The following MMP24 variants were observed in gnomAD, a reference collection of about 807,000 sequenced individuals.
MMP24 encodes matrix metalloproteinase-24.
MMP24 carries 25 observed loss-of-function variants against 62.8 expected under a neutral mutation model. The observed-to-expected ratio is 0.40, with a 90% CI of 0.29 to 0.56. The LOEUF (loss-of-function observed/expected upper bound fraction) is 0.56, where lower values mean the gene tolerates loss of function less well. Among genes scored for constraint, MMP24 ranks in the 20% least tolerant of loss-of-function variants. MMP24 has a pLI of 0.50. For missense variants in MMP24, 634 were observed against 853.6 expected (o/e 0.74, Z 3.21); for synonymous variants, 319 against 350.5 (o/e 0.91, Z 1.00).
At chr20:35,255,331 C>CA (rs11482447) in intron 4 of MMP24, among the ~76,000 whole-genome samples, 364 of 138,630 alleles carry the variant, frequency 2.6e-3, no homozygotes, top group African/African-American at 4.8e-3. Context: ...AACTCCATCT[C>CA]AAAAAAAAAA....
At chr20:35,248,306 C>CG (rs745624436) in intron 2 of MMP24, among the ~76,000 whole-genome samples, 4 of 136,792 alleles carry the variant, frequency 2.9e-5, no homozygotes, top group African/African-American at 1.1e-4. Flanking sequence ...TTCCCCCCCC[C>CG]TTTTTTTTTT....
intron 1 of MMP24, among the ~76,000 whole-genome samples, chr20:35,229,398 G>A (rs557021374): frequency 5.3e-5 from 8 of 152,210 alleles, no homozygotes; most frequent in Admixed American, 1.3e-4. Context: ...TTTCATTCAC[G>A]GAAGTGACCA....
intron 8 of MMP24, among the ~76,000 whole-genome samples, chr20:35,273,239 T>A (rs914754881): frequency 6.6e-6 from 1 of 150,380 alleles, no homozygotes; most frequent in Non-Finnish European, 1.5e-5. Flanking sequence ...AAAAAAAAAA[T>A]ACAAAAATTA....
At chr20:35,267,456 T>C (rs777194676) in intron 6 of MMP24, 37 bp downstream of exon 6, 1 of 1,525,858 alleles carries the variant, frequency 6.6e-7, no homozygotes, top group Non-Finnish European at 8.9e-7. Flanking sequence ...AGCTGGCCCC[T>C]GACCTTTCCT....
intron 4 of MMP24, 156 bp from the exon 5 acceptor site, chr20:35,263,635 A>T (rs1430689801): frequency 1.8e-6 from 1 of 543,570 alleles, no homozygotes; most frequent in Non-Finnish European, 3.2e-6. Flanking sequence ...GAGGCTTGGG[A>T]GGCAGGGGTT....
chr20:35,265,448 A>C (rs910769173), intron 5 of MMP24, among the ~76,000 whole-genome samples: 3 of 152,188 alleles, frequency 2.0e-5, no homozygotes, highest in African/African-American at 7.2e-5. Context: ...TCTCAAAAAA[A>C]AAAAAAATCT....
intron 1 of MMP24, among the ~76,000 whole-genome samples, chr20:35,231,239 C>T (rs2060436046): frequency 6.6e-6 from 1 of 152,174 alleles, no homozygotes; most frequent in African/African-American, 2.4e-5. Context: ...CTCCTAGACC[C>T]AGGACTTATG....
intron 1 of MMP24, among the ~76,000 whole-genome samples, chr20:35,232,485 G>GTA (rs1418571630): frequency 6.6e-6 from 1 of 152,200 alleles, no homozygotes; most frequent in African/African-American, 2.4e-5. Context: ...CATGCTAGAG[G>GTA]TATAACAAGG....
chr20:35,266,451 A>G (rs1568620073), intron 5 of MMP24, among the ~76,000 whole-genome samples: 1 of 151,934 alleles, frequency 6.6e-6, no homozygotes, highest in African/African-American at 2.4e-5. Context: ...ATGCAGCCCA[A>G]GTGAAGAAGC....
chr20:35,262,238 A>G (rs1013735932), intron 4 of MMP24, among the ~76,000 whole-genome samples: 73 of 152,306 alleles, frequency 4.8e-4, no homozygotes, highest in Non-Finnish European at 9.8e-4. Flanking sequence ...AAGGGGACCC[A>G]GGGAACCAGC....
At chr20:35,245,510 G>A (rs1256235053) in intron 1 of MMP24, among the ~76,000 whole-genome samples, 1 of 151,244 alleles carries the variant, frequency 6.6e-6, no homozygotes, top group Non-Finnish European at 1.5e-5. Context: ...GGGCAGTTGT[G>A]CAATCTTGGC....
chr20:35,268,830 A>G (rs560603463), intron 6 of MMP24, among the ~76,000 whole-genome samples: 11 of 152,150 alleles, frequency 7.2e-5, no homozygotes, highest in Admixed American at 1.3e-4. Context: ...GATCAAGACC[A>G]TCCTGGCTAA....
intron 1 of MMP24, among the ~76,000 whole-genome samples, chr20:35,245,923 A>G (rs1456241391): frequency 6.6e-6 from 1 of 151,924 alleles, no homozygotes; most frequent in Non-Finnish European, 1.5e-5. Flanking sequence ...ATTTTTATAT[A>G]TGCCTTTCTA....
At chr20:35,253,270 C>CTTTTTTTTTTTTTGTTTTTTTTTT (rs2060557315) in intron 3 of MMP24, among the ~76,000 whole-genome samples, 1 of 79,080 alleles carries the variant, frequency 1.3e-5, no homozygotes. Context: ...CAGAACGGGA[C>CTTTTTTTTTTTTTGTTTTTTTTTT]TTTTTTTTTT....
chr20:35,242,203 A>G (rs936478294), intron 1 of MMP24, among the ~76,000 whole-genome samples: 1 of 152,172 alleles, frequency 6.6e-6, no homozygotes, highest in African/African-American at 2.4e-5. Context: ...ATGGTGGCAC[A>G]TGCCTGTAAT....
chr20:35,276,151 C>A lies in MMP24; in HGVS notation c.*1542C>A. ...CTGTGGTCTCTGGGATTGGGGTCGG[C>A]TTACCCTGTAGCACAGACAGGGACT... is the stretch of plus-strand genomic sequence containing the variant. On this transcript the variant is annotated 3_prime_UTR_variant, in exon 9 of 9. Coordinates refer to ENST00000246186, the MANE Select transcript of MMP24 (RefSeq NM_006690.4). 2.5e-6 allele frequency: 1 copy of A among 398,700 alleles called. No individual in the cohort carries two copies. The highest frequency in any genetic ancestry group is 4.4e-6 in the Non-Finnish European group (1 of 226,116). The allele number at this position is 398,700 out of a possible 1,614,324, so 24.7% of individuals were successfully genotyped here.
chr20:35,231,802 A>G (rs768572004), intron 1 of MMP24, among the ~76,000 whole-genome samples: 6 of 152,230 alleles, frequency 3.9e-5, no homozygotes, highest in Non-Finnish European at 8.8e-5. Flanking sequence ...CTGTAATCCC[A>G]GCACTTTGGG....
chr20:35,264,178 G>A, intron 5 of MMP24: 1 of 396,966 alleles, frequency 2.5e-6, no homozygotes, highest in Non-Finnish European at 4.4e-6. Flanking sequence ...CTGTAACTGA[G>A]AGGGACAAAA....
chr20:35,237,819 G>A (rs536034853), intron 1 of MMP24, among the ~76,000 whole-genome samples: 1 of 152,276 alleles, frequency 6.6e-6, no homozygotes, highest in South Asian at 2.1e-4. Flanking sequence ...CAAGTGTATT[G>A]AGAATACAGT....
Sources: gnomAD v4.1 joint callset for allele counts (sites outside exome capture counted in the v4.1 genomes callset) on GRCh38, gnomAD v4.1.1 for gene constraint, MANE v1.5 for transcripts, NCBI Gene and HGNC (gene_info 2026-07-23, HGNC 2026-07-21) for gene names.